The following CCDC178 variants were observed in gnomAD, a reference collection of about 807,000 sequenced individuals.
The protein encoded by CCDC178 is coiled-coil domain-containing protein 178.
A neutral mutation model predicts 117.4 loss-of-function variants in CCDC178; 126 were observed. That is an observed-to-expected ratio of 1.07 (90% CI 0.93 to 1.24). The LOEUF is 1.24. CCDC178 is among the 50% of genes most tolerant of loss of function. The pLI, the probability that CCDC178 is intolerant of heterozygous loss-of-function variation, is 0.00. For missense variants in CCDC178, 1,030 were observed against 986.9 expected (o/e 1.04, Z -0.59); for synonymous variants, 283 against 313.4 (o/e 0.90, Z 1.02).
At chr18:33,321,781 A>C (rs1193421197) in intron 11 of CCDC178, among the ~76,000 whole-genome samples, 1 of 151,994 alleles carries the variant, frequency 6.6e-6, no homozygotes, top group African/African-American at 2.4e-5. Flanking sequence ...TGGCAAATAG[A>C]GTAAGTTATG....
At chr18:33,296,286 G>A (rs1021793250) in intron 11 of CCDC178, among the ~76,000 whole-genome samples, 9 of 152,074 alleles carry the variant, frequency 5.9e-5, no homozygotes, top group African/African-American at 1.4e-4. Context: ...AGAAAGGACA[G>A]TGGATATGAA....
At chr18:33,271,165 T>C (rs1206819103) in intron 12 of CCDC178, among the ~76,000 whole-genome samples, 1 of 150,982 alleles carries the variant, frequency 6.6e-6, no homozygotes, top group Admixed American at 6.6e-5. Context: ...AAGGCAGTAA[T>C]GAAGGAATAG....
At chr18:33,052,583 G>C (rs962383641) in intron 21 of CCDC178, among the ~76,000 whole-genome samples, 10 of 152,020 alleles carry the variant, frequency 6.6e-5, no homozygotes, top group African/African-American at 2.4e-4. Context: ...TGTTCATATT[G>C]ATTAAGAGGA....
At chr18:33,405,258 T>C (rs2144875763) in intron 3 of CCDC178, among the ~76,000 whole-genome samples, 1 of 151,842 alleles carries the variant, frequency 6.6e-6, no homozygotes, top group Admixed American at 6.6e-5. Context: ...TGTATGTTAT[T>C]TATATAATTT....
At chr18:33,258,116 C>T (rs769860774) in intron 14 of CCDC178, among the ~76,000 whole-genome samples, 1 of 152,056 alleles carries the variant, frequency 6.6e-6, no homozygotes, top group Non-Finnish European at 1.5e-5. Flanking sequence ...AAAAAGCCTT[C>T]CATCTTAAAT....
At chr18:33,275,934 T>C (rs535898282) in intron 12 of CCDC178, among the ~76,000 whole-genome samples, 3 of 151,836 alleles carry the variant, frequency 2.0e-5, no homozygotes, top group Admixed American at 6.6e-5. Context: ...CTAATAACCT[T>C]GATATATATC....
chr18:33,079,574 T>G (rs1193894424), intron 21 of CCDC178, among the ~76,000 whole-genome samples: 1 of 150,278 alleles, frequency 6.7e-6, no homozygotes, highest in African/African-American at 2.5e-5. Flanking sequence ...CTTAAACAAA[T>G]TTACAAGCCA....
chr18:33,390,787 A>G (rs188894575), intron 4 of CCDC178, among the ~76,000 whole-genome samples: 1 of 151,906 alleles, frequency 6.6e-6, no homozygotes, highest in Non-Finnish European at 1.5e-5. Context: ...TTAAGATGGC[A>G]CTTTCTTCCA....
chr18:33,278,254 T>C (rs12965752), intron 12 of CCDC178, among the ~76,000 whole-genome samples: 1 of 146,784 alleles, frequency 6.8e-6, no homozygotes, highest in Non-Finnish European at 1.5e-5. Flanking sequence ...TATATATCTA[T>C]ATACATACAC....
chr18:32,942,876 T>C (rs2054270970), intron 22 of CCDC178, among the ~76,000 whole-genome samples: 1 of 152,186 alleles, frequency 6.6e-6, no homozygotes, highest in South Asian at 2.1e-4. Flanking sequence ...AGCTGAGTGG[T>C]TTTGAAGAAA....
intron 14 of CCDC178, among the ~76,000 whole-genome samples, chr18:33,260,906 C>T (rs1169438534): frequency 3.3e-5 from 5 of 151,952 alleles, no homozygotes; most frequent in African/African-American, 1.2e-4. Context: ...CTACTCATTT[C>T]CACTGGTCTG....
intron 20 of CCDC178, among the ~76,000 whole-genome samples, chr18:33,130,491 C>T (rs1032194885): frequency 8.6e-5 from 13 of 151,878 alleles, no homozygotes; most frequent in Admixed American, 8.5e-4. Flanking sequence ...GGAAACAAAG[C>T]CTCAGAGAGA....
At chr18:33,223,273 A>G in intron 17 of CCDC178, 54 bp from the exon 18 acceptor site, 1 of 1,505,588 alleles carries the variant, frequency 6.6e-7, no homozygotes, top group Non-Finnish European at 8.9e-7. Context: ...AGTTATCCTC[A>G]TTTAGGCCAA....
At chr18:33,329,909 GT>G (rs1211656508) in intron 10 of CCDC178, among the ~76,000 whole-genome samples, 3 of 145,348 alleles carry the variant, frequency 2.1e-5, no homozygotes, top group Non-Finnish European at 3.0e-5. Flanking sequence ...GTGTGTGTGT[GT>G]GTGTGGTATA....
intron 14 of CCDC178, among the ~76,000 whole-genome samples, chr18:33,261,355 C>T (rs7232660): frequency 0.92 from 139,292 of 152,176 alleles, 63,839 homozygotes; most frequent in East Asian, 1. Flanking sequence ...AGTTCTGGGA[C>T]TACAGGCTTG....
In CCDC178 at chr18:33,109,190, T is replaced by C. The variant is rs73959105; in HGVS notation, c.2239-16280A>G. Reference sequence around the variant, plus strand: ...TTGTTGGGTAAATAATATTGTATTCTTTCAAGAATACTAACCCACTATTAC... The same window carrying C: ...TTGTTGGGTAAATAATATTGTATTCCTTCAAGAATACTAACCCACTATTAC... On this transcript the variant is annotated intron_variant, in intron 20 of 22. Coordinates refer to ENST00000383096, the MANE Select transcript of CCDC178 (RefSeq NM_001105528.4). Among the ~76,000 whole-genome samples, 230 of 151,826 alleles carry C rather than the reference T, an allele frequency of 1.5e-3. 2 individuals are homozygous for C. The highest frequency in any genetic ancestry group is 5.2e-3 in the African/African-American group (217 of 41,512).
chr18:33,152,901 C>T (rs1188436722), intron 20 of CCDC178, among the ~76,000 whole-genome samples: 3 of 151,490 alleles, frequency 2.0e-5, no homozygotes, highest in Non-Finnish European at 2.9e-5. Context: ...AAGTTAGACA[C>T]GAGACAGTAG....
chr18:33,254,988 T>C (rs1361255234), intron 14 of CCDC178, among the ~76,000 whole-genome samples: 1 of 152,074 alleles, frequency 6.6e-6, no homozygotes, highest in African/African-American at 2.4e-5. Flanking sequence ...CCCTCATGAA[T>C]GGCTTTGTGC....
chr18:33,058,741 GT>G (rs1338161968), intron 21 of CCDC178, among the ~76,000 whole-genome samples: 1 of 151,994 alleles, frequency 6.6e-6, no homozygotes, highest in African/African-American at 2.4e-5. Flanking sequence ...TCATATTCAG[GT>G]TTTTTTAAGG....
Sources: allele counts gnomAD v4.1 joint callset (sites outside exome capture counted in the v4.1 genomes callset), GRCh38; gene constraint gnomAD v4.1.1; transcripts MANE v1.5; gene names NCBI Gene and HGNC (gene_info 2026-07-23, HGNC 2026-07-21).